NOL4: variants seen among roughly 807,000 people sequenced by gnomAD.
NOL4 encodes nucleolar protein 4.
A neutral mutation model predicts 75.9 loss-of-function variants in NOL4; 17 were observed. That is an observed-to-expected ratio of 0.22 (90% confidence interval 0.15 to 0.34). The LOEUF (loss-of-function observed/expected upper bound fraction) is 0.34. Among genes scored for constraint, NOL4 ranks in the 10% least tolerant of loss-of-function variants. NOL4 has a pLI of 1.00. For synonymous variants in NOL4, 292 were observed against 289.9 expected (o/e 1.01, Z -0.07); for missense variants, 614 against 793.5 (o/e 0.77, Z 2.72).
At chr18:34,047,395 T>C (rs188233640) in intron 5 of NOL4, among the ~76,000 whole-genome samples, 2 of 152,176 alleles carry the variant, frequency 1.3e-5, no homozygotes, top group African/African-American at 2.4e-5. Context: ...GTTATAAATA[T>C]ATAAACATGA....
chr18:34,017,868 G>C (rs1428880513), intron 6 of NOL4, among the ~76,000 whole-genome samples: 1 of 152,038 alleles, frequency 6.6e-6, no homozygotes, highest in South Asian at 2.1e-4. Context: ...TGCATCAGGG[G>C]TATCTTCTTC....
intron 6 of NOL4, among the ~76,000 whole-genome samples, chr18:33,976,319 T>C (rs566071410): frequency 1.3e-5 from 2 of 152,314 alleles, no homozygotes; most frequent in East Asian, 3.9e-4. Context: ...AAGGCATATG[T>C]CAAAAGCAAT....
chr18:34,097,125 T>C (rs1047524093), intron 4 of NOL4, among the ~76,000 whole-genome samples: 2 of 152,184 alleles, frequency 1.3e-5, no homozygotes, highest in African/African-American at 2.4e-5. Flanking sequence ...AAATTAATCT[T>C]CCCATTTCTG....
intron 1 of NOL4, among the ~76,000 whole-genome samples, chr18:34,144,795 G>A (rs1247981308): frequency 6.6e-6 from 1 of 152,038 alleles, no homozygotes; most frequent in Admixed American, 6.6e-5. Flanking sequence ...TTTTTATTAC[G>A]ATAAAATCAA....
At chr18:34,214,700 G>C (rs144744616) in intron 1 of NOL4, among the ~76,000 whole-genome samples, 1 of 152,216 alleles carries the variant, frequency 6.6e-6, no homozygotes, top group African/African-American at 2.4e-5. Context: ...GTTTTGAGGA[G>C]ATATCTGCCC....
intron 9 of NOL4, among the ~76,000 whole-genome samples, chr18:33,904,558 A>C (rs67881448): frequency 0.13 from 19,965 of 152,110 alleles, 1,448 homozygotes; most frequent in Non-Finnish European, 0.17. Context: ...TGTGGCAATA[A>C]GATACCAAAT....
At chr18:34,173,202 G>A (rs1171256391) in intron 1 of NOL4, among the ~76,000 whole-genome samples, 1 of 152,056 alleles carries the variant, frequency 6.6e-6, no homozygotes, top group Non-Finnish European at 1.5e-5. Flanking sequence ...TAAAGATCAA[G>A]CTCATAGAAG....
chr18:33,880,367 G>C (rs1383357771), intron 10 of NOL4, among the ~76,000 whole-genome samples: 2 of 149,894 alleles, frequency 1.3e-5, no homozygotes, highest in African/African-American at 4.9e-5. Context: ...TGGATTTAAA[G>C]TATAGTTAGG....
chr18:34,121,355 A>G (rs1282090272), intron 2 of NOL4: 1 of 152,192 alleles, frequency 6.6e-6, no homozygotes, highest in Non-Finnish European at 1.5e-5. Context: ...TTTCTGGTCT[A>G]GAGTTCATTG....
intron 5 of NOL4, among the ~76,000 whole-genome samples, chr18:34,026,969 C>A (rs2075374416): frequency 6.6e-6 from 1 of 152,004 alleles, no homozygotes; most frequent in African/African-American, 2.4e-5. Context: ...AGGAGAGGAG[C>A]CTGAAAAAGA....
chr18:33,903,488 C>T (rs2065860390), intron 9 of NOL4, among the ~76,000 whole-genome samples: 1 of 152,082 alleles, frequency 6.6e-6, no homozygotes. Context: ...CTCCTGGGTA[C>T]ACATATCTCA....
chr18:34,040,470 A>C (rs1318013097), intron 5 of NOL4, among the ~76,000 whole-genome samples: 1 of 152,024 alleles, frequency 6.6e-6, no homozygotes, highest in Non-Finnish European at 1.5e-5. Flanking sequence ...AAATGCTTCA[A>C]TCATGAATAT....
chr18:34,024,198 T>A lies in NOL4; in HGVS notation c.773-4597A>T, dbSNP rs867360651. On this transcript the variant is annotated intron_variant, in intron 5 of 10. Coordinates refer to ENST00000261592, the MANE Select transcript of NOL4 (RefSeq NM_003787.5). Reference sequence around the variant, plus strand: ...ATAAACAGGAAAAAAAAAAAAAATATATATATATATATATATAAAATCCTC... The same window carrying A: ...ATAAACAGGAAAAAAAAAAAAAATAAATATATATATATATATAAAATCCTC... Among the ~76,000 whole-genome samples the A allele has an allele frequency of 4.9e-4, 52 of 106,254 alleles. 1 individual carries two copies. Among genetic ancestry groups the A allele is most frequent in the African/African-American group, 6.0e-4 (17 of 28,336 alleles). The allele number at this position is 106,254 out of a possible 152,430, so 69.7% of individuals were successfully genotyped here. A position where few individuals can be genotyped will look rare whatever the true frequency, so the allele number is the denominator to read the frequency against.
chr18:33,889,951 A>G (rs548401360), intron 9 of NOL4, among the ~76,000 whole-genome samples: 2,579 of 152,158 alleles, frequency 0.017, 66 homozygotes, highest in African/African-American at 0.058. Flanking sequence ...GCAAAAACTG[A>G]AAGCATTCCC....
intron 1 of NOL4, among the ~76,000 whole-genome samples, chr18:34,145,259 T>C (rs2081350357): frequency 2.0e-5 from 3 of 152,108 alleles, no homozygotes; most frequent in African/African-American, 7.2e-5. Context: ...TTTTACCTTC[T>C]AGGACTCAAT....
intron 9 of NOL4, among the ~76,000 whole-genome samples, chr18:33,889,272 G>T (rs1230420719): frequency 6.6e-6 from 1 of 152,110 alleles, no homozygotes; most frequent in Non-Finnish European, 1.5e-5. Flanking sequence ...AAATCTAGAA[G>T]AAATGGATAA....
In NOL4 at chr18:34,089,754, G is replaced by C. The variant is rs1247899105; in HGVS notation, c.772+3711C>G. On this transcript the variant is annotated intron_variant, in intron 5 of 10. Coordinates refer to ENST00000261592, the MANE Select transcript of NOL4 (RefSeq NM_003787.5). ...TTTATTTGTCACAGTTGGGAGAAGG[G>C]GAGCTAAGAACATGCAGCAGGTAGA... 1.3e-5 allele frequency among the ~76,000 whole-genome samples: 2 copies of C among 152,188 alleles called. 1 individual carries two copies. Among genetic ancestry groups the C allele is most frequent in the Non-Finnish European group, 2.9e-5 (2 of 68,038 alleles).
At chr18:34,031,819 T>C (rs2075653113) in intron 5 of NOL4, among the ~76,000 whole-genome samples, 1 of 152,126 alleles carries the variant, frequency 6.6e-6, no homozygotes, top group African/African-American at 2.4e-5. Context: ...ACATGGAGTG[T>C]GGCAATCCAA....
chr18:34,074,318 T>A (rs560951871), intron 5 of NOL4, among the ~76,000 whole-genome samples: 3 of 151,838 alleles, frequency 2.0e-5, no homozygotes, highest in Admixed American at 1.3e-4. Context: ...ATAGAATTTT[T>A]GAAAAATACA....
Sources: gnomAD v4.1 joint callset for allele counts (sites outside exome capture counted in the v4.1 genomes callset) on GRCh38, gnomAD v4.1.1 for gene constraint, MANE v1.5 for transcripts, NCBI Gene and HGNC (gene_info 2026-07-23, HGNC 2026-07-21) for gene names.